ARID5B: variants seen among roughly 807,000 people sequenced by gnomAD.
The protein encoded by ARID5B is AT-rich interactive domain-containing protein 5B.
ARID5B carries 13 observed loss-of-function variants against 97.2 expected under a neutral mutation model. The observed-to-expected ratio is 0.13, with a 90% confidence interval of 0.09 to 0.21. The LOEUF (loss-of-function observed/expected upper bound fraction) is 0.21. Ranked by LOEUF, ARID5B falls within the 10% of genes least tolerant of loss-of-function variation. The pLI, the probability that ARID5B is intolerant of heterozygous loss-of-function variation, is 1.00. For missense variants in ARID5B, 1,210 were observed against 1,465.3 expected (o/e 0.83, Z 2.84); for synonymous variants, 556 against 570.3 (o/e 0.97, Z 0.36).
At chr10:61,949,136 G>A (rs16916888) in intron 3 of ARID5B, among the ~76,000 whole-genome samples, 142 of 152,252 alleles carry the variant, frequency 9.3e-4, no homozygotes, top group South Asian at 2.1e-3. Context: ...CCTCAGTAAC[G>A]GTCTACAGTT....
chr10:62,035,142 T>C (rs957481782), intron 4 of ARID5B, among the ~76,000 whole-genome samples: 5 of 152,194 alleles, frequency 3.3e-5, no homozygotes, highest in Admixed American at 3.3e-4. Flanking sequence ...TTAATGGTGA[T>C]GGTGACCTAG....
chr10:62,049,079 C>T (rs776514865), intron 4 of ARID5B: 1 of 876,080 alleles, frequency 1.1e-6, no homozygotes, highest in Non-Finnish European at 1.4e-6. Context: ...AGTCCATGCC[C>T]TGGCTCCAGG....
Position 62,095,205 on chromosome 10 carries a change from G to GA in ARID5B, c.*2180dup, listed in dbSNP as rs536857382. ...CTGCTATTGCACAAGCTAGAGGGGG[G>GA]AAAAATCTCAATTCCAGCTGGCAAG... On this transcript the variant is annotated 3_prime_UTR_variant, in exon 10 of 10. Transcript: ENST00000279873. 1.9e-4 allele frequency: 45 copies of GA among 233,202 alleles called. No homozygotes were observed. The highest frequency in any genetic ancestry group is 8.4e-4 in the African/African-American group (38 of 45,384). The allele number at this position is 233,202 out of a possible 1,614,324, so 14.4% of individuals were successfully genotyped here. A position where few individuals can be genotyped will look rare whatever the true frequency, so the allele number is the denominator to read the frequency against.
chr10:62,001,906 A>G (rs973468762), intron 4 of ARID5B, among the ~76,000 whole-genome samples: 1 of 152,234 alleles, frequency 6.6e-6, no homozygotes, highest in Non-Finnish European at 1.5e-5. Context: ...AGATAAATGT[A>G]TGCAATACAT....
At chr10:62,088,613 A>T (rs950222947) in intron 9 of ARID5B, among the ~76,000 whole-genome samples, 5 of 152,188 alleles carry the variant, frequency 3.3e-5, no homozygotes, top group African/African-American at 9.7e-5. Context: ...TGTCATGATG[A>T]GGTTATCTAA....
chr10:61,961,301 A>G, intron 3 of ARID5B, among the ~76,000 whole-genome samples: 1 of 152,050 alleles, frequency 6.6e-6, no homozygotes, highest in African/African-American at 2.4e-5. Flanking sequence ...CCTTAAAATA[A>G]AAAATATGTT....
rs533157593 is a variant in ARID5B, at chr10:61,988,447, T to C, written c.503-11644T>C. ...AACAGTTGAAGCTTTTAAGAGATTA[T>C]TATTTTACTTTGAATTGATTTTTGT... is the stretch of plus-strand genomic sequence containing the variant. On this transcript the variant is annotated intron_variant, in intron 3 of 9. Coordinates refer to ENST00000279873, the MANE Select transcript of ARID5B (RefSeq NM_032199.3). Among the ~76,000 whole-genome samples the C allele has an allele frequency of 3.2e-4, 49 of 152,320 alleles. 2 individuals carry two copies. The highest frequency in any genetic ancestry group is 1.1e-3 in the African/African-American group (46 of 41,576).
chr10:62,018,051 T>C (rs1029724485), intron 4 of ARID5B, among the ~76,000 whole-genome samples: 9 of 152,230 alleles, frequency 5.9e-5, no homozygotes, highest in Admixed American at 5.9e-4. Flanking sequence ...ATAGATTCAG[T>C]TGGAAGAAAA....
intron 5 of ARID5B, among the ~76,000 whole-genome samples, chr10:62,056,259 TG>T (rs1224395673): frequency 6.6e-6 from 1 of 152,210 alleles, no homozygotes; most frequent in Non-Finnish European, 1.5e-5. Flanking sequence ...TTTTTAATTA[TG>T]GAGCTTTATA....
chr10:62,087,289 ACT>A lies in ARID5B; in HGVS notation c.1398+1392_1398+1393del, dbSNP rs1350857794. Among the ~76,000 whole-genome samples, 12 of 68,196 alleles carry A rather than the reference ACT, an allele frequency of 1.8e-4. 1 individual carries two copies. In the East Asian group the frequency reaches 3.5e-3, roughly 20 times the overall value. The allele number at this position is 68,196 out of a possible 152,430, so 44.7% of individuals were successfully genotyped here. A position where few individuals can be genotyped will look rare whatever the true frequency, so the allele number is the denominator to read the frequency against. ...ACTCCAGCCTGGGTGACAGAGAGAG[ACT>A]CTATCTCAAAAAAAAAAAAAAAAAA... On this transcript the variant is annotated intron_variant, in intron 9 of 9. Coordinates refer to ENST00000279873, the MANE Select transcript of ARID5B (RefSeq NM_032199.3).
At chr10:61,910,061 T>C (rs1391305910) in intron 2 of ARID5B, among the ~76,000 whole-genome samples, 4 of 152,208 alleles carry the variant, frequency 2.6e-5, no homozygotes, top group African/African-American at 4.8e-5. Context: ...AGCATGTTTT[T>C]CAGGCTGATG....
At chr10:61,947,124 C>T (rs1316611214) in intron 3 of ARID5B, among the ~76,000 whole-genome samples, 1 of 152,154 alleles carries the variant, frequency 6.6e-6, no homozygotes, top group East Asian at 1.9e-4. Flanking sequence ...CAAGTACCCA[C>T]ATGACTCTTC....
At chr10:62,051,194 G>A in intron 5 of ARID5B, 194 bp downstream of exon 5, 1 of 656,410 alleles carries the variant, frequency 1.5e-6, no homozygotes, top group Admixed American at 2.3e-5. Flanking sequence ...GGCTGGGGGA[G>A]GTAGGCATTT....
chr10:62,042,670 G>A (rs927569345), intron 4 of ARID5B, among the ~76,000 whole-genome samples: 2 of 152,196 alleles, frequency 1.3e-5, no homozygotes, highest in African/African-American at 4.8e-5. Context: ...CCAGCACTTT[G>A]GGAGGACGAG....
intron 3 of ARID5B, among the ~76,000 whole-genome samples, chr10:61,958,066 G>A (rs1838416532): frequency 6.6e-6 from 1 of 152,178 alleles, no homozygotes; most frequent in African/African-American, 2.4e-5. Flanking sequence ...GCATGTGTAG[G>A]AAGGAAGGAA....
At chr10:61,976,378 ATGGCTTTAAT>A (rs1204785596) in intron 3 of ARID5B, among the ~76,000 whole-genome samples, 1 of 152,198 alleles carries the variant, frequency 6.6e-6, no homozygotes, top group East Asian at 1.9e-4. Flanking sequence ...TCCAGAGTAA[ATGGCTTTAAT>A]TGCCAGTTTG....
chr10:62,025,687 C>T (rs1032937433), intron 4 of ARID5B, among the ~76,000 whole-genome samples: 1 of 151,844 alleles, frequency 6.6e-6, no homozygotes, highest in Non-Finnish European at 1.5e-5. Flanking sequence ...CAAGTCACTG[C>T]ATGTTGAGAA....
chr10:61,999,385 C>A (rs1408712102), intron 3 of ARID5B, among the ~76,000 whole-genome samples: 1 of 152,222 alleles, frequency 6.6e-6, no homozygotes, highest in Admixed American at 6.5e-5. Context: ...CTACTGAACA[C>A]ATAGCTTTCC....
chr10:61,971,670 A>G (rs1262439541), intron 3 of ARID5B, among the ~76,000 whole-genome samples: 1 of 152,244 alleles, frequency 6.6e-6, no homozygotes, highest in Non-Finnish European at 1.5e-5. Context: ...ATAATAATGC[A>G]TCAATATTGT....
Sources: gnomAD v4.1 joint callset for allele counts (sites outside exome capture counted in the v4.1 genomes callset) on GRCh38, gnomAD v4.1.1 for gene constraint, MANE v1.5 for transcripts, NCBI Gene and HGNC (gene_info 2026-07-23, HGNC 2026-07-21) for gene names.